Variants in SHROOM3 observed in about 807,000 individuals in gnomAD.
SHROOM3 encodes shroom family member 3, also known as protein Shroom3.
In SHROOM3, 47 loss-of-function variants were observed where a neutral mutation model predicts 138.6. The ratio of observed to expected loss-of-function variants is 0.34; its 90% CI spans 0.27 to 0.43. The LOEUF is 0.43. SHROOM3 is among the 20% of genes least tolerant of loss of function. The probability of loss-of-function intolerance (pLI) is 1.00; values close to 1 mark genes in which losing one functional copy is unlikely to be tolerated. For missense variants in SHROOM3, 2,491 were observed against 2,596.5 expected, an observed-to-expected ratio of 0.96 and a Z score of 0.88; for synonymous variants, 1,062 against 1,063.3, an observed-to-expected ratio of 1.00 and a Z score of 0.02.
At chr4:76,704,949 C>A (rs1338133450) in intron 2 of SHROOM3, among the ~76,000 whole-genome samples, 1 of 152,180 alleles carries the variant, frequency 6.6e-6, no homozygotes, top group African/African-American at 2.4e-5. Context: ...TCTCACCCTC[C>A]CCTTTAAGGA....
chr4:76,632,476 T>C (rs1012540658), intron 2 of SHROOM3, among the ~76,000 whole-genome samples: 3 of 152,166 alleles, frequency 2.0e-5, no homozygotes, highest in African/African-American at 4.8e-5. Flanking sequence ...AATAGTGAGC[T>C]GTGATGAATG....
At chr4:76,627,850 T>C (rs1175852929) in intron 2 of SHROOM3, among the ~76,000 whole-genome samples, 1 of 152,254 alleles carries the variant, frequency 6.6e-6, no homozygotes, top group East Asian at 1.9e-4. Flanking sequence ...AAAGTCTTAC[T>C]ACTAACTTTT....
At chr4:76,777,191 A>G (rs1237232891) in intron 10 of SHROOM3, among the ~76,000 whole-genome samples, 1 of 152,162 alleles carries the variant, frequency 6.6e-6, no homozygotes, top group Admixed American at 6.5e-5. Flanking sequence ...TTTTGACAGT[A>G]TGGTCATTTT....
chr4:76,602,157 T>G (rs1344709761), intron 2 of SHROOM3, among the ~76,000 whole-genome samples: 8 of 152,326 alleles, frequency 5.3e-5, no homozygotes, highest in Admixed American at 3.3e-4. Context: ...CCTTTCAATC[T>G]TTCTCCTCTG....
chr4:76,567,877 G>C (rs1452548404), intron 2 of SHROOM3, among the ~76,000 whole-genome samples: 3 of 151,562 alleles, frequency 2.0e-5, no homozygotes, highest in Non-Finnish European at 4.4e-5. Flanking sequence ...TTTACTGGTG[G>C]TTACATGGTA....
chr4:76,497,807 G>A (rs1332057810), intron 1 of SHROOM3, among the ~76,000 whole-genome samples: 2 of 152,166 alleles, frequency 1.3e-5, no homozygotes, highest in African/African-American at 2.4e-5. Context: ...GCAGTGAGCC[G>A]AGATTGCGCC....
intron 1 of SHROOM3, among the ~76,000 whole-genome samples, chr4:76,485,001 A>G (rs1560520788): frequency 6.6e-6 from 1 of 152,228 alleles, no homozygotes; most frequent in African/African-American, 2.4e-5. Context: ...TGAGATACCT[A>G]TAATACATTC....
At chr4:76,604,641 A>G (rs1239584007) in intron 2 of SHROOM3, among the ~76,000 whole-genome samples, 1 of 152,208 alleles carries the variant, frequency 6.6e-6, no homozygotes, top group African/African-American at 2.4e-5. Context: ...ATTAGAAATC[A>G]TTGTTTTTTA....
At chr4:76,668,966 T>G (rs761073527) in intron 2 of SHROOM3, among the ~76,000 whole-genome samples, 4 of 152,206 alleles carry the variant, frequency 2.6e-5, no homozygotes, top group Non-Finnish European at 4.4e-5. Context: ...ATAAAGTAAC[T>G]GGCATATGTG....
intron 9 of SHROOM3, among the ~76,000 whole-genome samples, chr4:76,766,084 G>A (rs1459331021): frequency 1.3e-5 from 2 of 152,158 alleles, no homozygotes; most frequent in African/African-American, 4.8e-5. Flanking sequence ...GCTCTGTCAC[G>A]TACCAGCTGC....
intron 1 of SHROOM3, among the ~76,000 whole-genome samples, chr4:76,489,184 T>C (rs1436736474): frequency 1.3e-5 from 2 of 152,230 alleles, no homozygotes; most frequent in South Asian, 2.1e-4. Context: ...GAAATTCCTT[T>C]GTGGCTAGAA....
At chr4:76,593,070 A>G (rs552997141) in intron 2 of SHROOM3, among the ~76,000 whole-genome samples, 61 of 152,338 alleles carry the variant, frequency 4.0e-4, no homozygotes, top group African/African-American at 1.4e-3. Context: ...AAGACAGGGA[A>G]TCCTTTTCTC....
intron 2 of SHROOM3, among the ~76,000 whole-genome samples, chr4:76,583,327 G>T (rs780004699): frequency 1.3e-5 from 2 of 152,188 alleles, no homozygotes; most frequent in African/African-American, 2.4e-5. Context: ...ACCACCCAAG[G>T]GTGAAAGGTC....
chr4:76,723,036 T>C (rs983997657), intron 3 of SHROOM3, among the ~76,000 whole-genome samples: 1 of 151,870 alleles, frequency 6.6e-6, no homozygotes, highest in Non-Finnish European at 1.5e-5. Flanking sequence ...GAAGAGCCCA[T>C]GCAACATGTG....
chr4:76,607,629 G>A (rs1265628333), intron 2 of SHROOM3, among the ~76,000 whole-genome samples: 2 of 152,070 alleles, frequency 1.3e-5, no homozygotes, highest in African/African-American at 4.8e-5. Context: ...TAACACAAAA[G>A]CAACAGGTTC....
At chr4:76,605,738 T>C (rs1232242538) in intron 2 of SHROOM3, among the ~76,000 whole-genome samples, 1 of 151,722 alleles carries the variant, frequency 6.6e-6, no homozygotes, top group Non-Finnish European at 1.5e-5. Context: ...ACAGAAAAAA[T>C]GAAAAGATGT....
At chr4:76,631,995 C>T (rs1177456906) in intron 2 of SHROOM3, among the ~76,000 whole-genome samples, 1 of 152,030 alleles carries the variant, frequency 6.6e-6, no homozygotes, top group East Asian at 1.9e-4. Context: ...AGGGAAGAAA[C>T]AATGGAGGAG....
rs561844036 is a variant in SHROOM3 at position 76,534,141 on chromosome 4, G to T, written c.169-21468G>T. ...AGGCATGCCATGAGGTAGCCTTCTGGTGTGTGTGTAAAGCACAAACCCCCA... is the reference window on the plus strand; with the variant it reads ...AGGCATGCCATGAGGTAGCCTTCTGTTGTGTGTGTAAAGCACAAACCCCCA... On this transcript the variant is annotated intron_variant, in intron 1 of 10. Transcript: ENST00000296043. Among the ~76,000 whole-genome samples the T allele has an allele frequency of 6.6e-5, 10 of 152,298 alleles. No homozygotes were observed. The South Asian group carries it at 2.1e-3, about 32-fold the overall frequency.
chr4:76,762,565 C>T (rs1335539958), intron 9 of SHROOM3, among the ~76,000 whole-genome samples: 1 of 152,244 alleles, frequency 6.6e-6, no homozygotes, highest in Non-Finnish European at 1.5e-5. Context: ...GAGGCCTCCA[C>T]ATCCAGTTAG....
Sources: gnomAD v4.1 joint callset for allele counts (sites outside exome capture counted in the v4.1 genomes callset) on GRCh38, gnomAD v4.1.1 for gene constraint, MANE v1.5 for transcripts, NCBI Gene and HGNC (gene_info 2026-07-23, HGNC 2026-07-21) for gene names.